Variants in FSTL5 observed in about 807,000 individuals in gnomAD.
FSTL5 encodes follistatin like 5.
In FSTL5, 62 loss-of-function variants were observed where a neutral mutation model predicts 89.1. That is an observed-to-expected ratio of 0.70 (90% CI 0.57 to 0.86). The LOEUF (loss-of-function observed/expected upper bound fraction) is 0.86, where lower values mean the gene tolerates loss of function less well. Among genes scored for constraint, FSTL5 ranks in the 40% least tolerant of loss-of-function variants. FSTL5 has a pLI of 0.00. For synonymous variants in FSTL5, 383 were observed against 346.2 expected, an observed-to-expected ratio of 1.11 and a Z score of -1.18; for missense variants, 1,057 against 1,001.6, an observed-to-expected ratio of 1.06 and a Z score of -0.75.
chr4:161,880,912 G>T (rs1372423614), intron 4 of FSTL5, among the ~76,000 whole-genome samples: 1 of 152,026 alleles, frequency 6.6e-6, no homozygotes, highest in African/African-American at 2.4e-5. Flanking sequence ...TGATCATAAA[G>T]CCTCAGCAAA....
At chr4:162,163,066 C>A (rs1166178068) in intron 1 of FSTL5, among the ~76,000 whole-genome samples, 3 of 152,006 alleles carry the variant, frequency 2.0e-5, no homozygotes, top group Non-Finnish European at 4.4e-5. Flanking sequence ...CTAAATGGAC[C>A]CAGCATGATG....
intron 4 of FSTL5, among the ~76,000 whole-genome samples, chr4:161,856,660 G>GTATA (rs1228042548): frequency 1.8e-5 from 1 of 56,540 alleles, no homozygotes; most frequent in Non-Finnish European, 4.1e-5. Context: ...TTGTGTGTGT[G>GTATA]TGTATATATA....
intron 15 of FSTL5, among the ~76,000 whole-genome samples, chr4:161,419,785 T>G (rs35137331): frequency 0.12 from 17,784 of 152,148 alleles, 1,132 homozygotes; most frequent in Admixed American, 0.13. Context: ...GTGGCCCCAG[T>G]CACTGTTATA....
At chr4:162,092,946 T>TA (rs1730604788) in intron 2 of FSTL5, among the ~76,000 whole-genome samples, 1 of 30,096 alleles carries the variant, frequency 3.3e-5, no homozygotes, top group African/African-American at 1.4e-4. Flanking sequence ...AGACTCTGTC[T>TA]CAAAAAAAAA....
chr4:161,801,484 T>C (rs1268105776), intron 4 of FSTL5, among the ~76,000 whole-genome samples: 5 of 151,420 alleles, frequency 3.3e-5, no homozygotes, highest in African/African-American at 1.2e-4. Context: ...ATCTTGGCAA[T>C]TTCATGAGAG....
At chr4:161,795,972 C>A (rs1316491996) in intron 4 of FSTL5, among the ~76,000 whole-genome samples, 1 of 151,658 alleles carries the variant, frequency 6.6e-6, no homozygotes, top group East Asian at 1.9e-4. Context: ...GTGTTGTAAA[C>A]CCTCTTTGAA....
intron 4 of FSTL5, among the ~76,000 whole-genome samples, chr4:161,880,729 T>C (rs1193339749): frequency 6.6e-6 from 1 of 152,128 alleles, no homozygotes; most frequent in Non-Finnish European, 1.5e-5. Flanking sequence ...AAACAAATTA[T>C]TGGTAGACAC....
chr4:162,081,337 T>A lies in FSTL5; in HGVS notation c.126+29934A>T, dbSNP rs1026314459. 2.0e-5 allele frequency among the ~76,000 whole-genome samples: 3 copies of A among 151,596 alleles called. No individual in the cohort carries two copies. In the Admixed American group the frequency reaches 2.0e-4, roughly 10 times the overall value. ...TCAAGGGGCACTAGGGGAGGGCCCTTTGCTAATGAAGCAGATCAAAGACAA... is the reference window on the plus strand; with the variant it reads ...TCAAGGGGCACTAGGGGAGGGCCCTATGCTAATGAAGCAGATCAAAGACAA... On this transcript the variant is annotated intron_variant, in intron 2 of 15. Transcript: ENST00000306100.
intron 4 of FSTL5, among the ~76,000 whole-genome samples, chr4:161,779,285 T>A (rs998003571): frequency 2.0e-5 from 3 of 152,250 alleles, no homozygotes; most frequent in Admixed American, 6.5e-5. Flanking sequence ...CAAAAAAAAT[T>A]GCAGTTAAGG....
chr4:161,782,561 T>A (rs1741712778), intron 4 of FSTL5, among the ~76,000 whole-genome samples: 1 of 152,182 alleles, frequency 6.6e-6, no homozygotes, highest in Non-Finnish European at 1.5e-5. Flanking sequence ...AAAATTTGAA[T>A]TGGTTTAATT....
At chr4:161,939,247 G>A (rs1560926767) in intron 3 of FSTL5, among the ~76,000 whole-genome samples, 1 of 151,718 alleles carries the variant, frequency 6.6e-6, no homozygotes, top group East Asian at 1.9e-4. Context: ...GATTTTCTTA[G>A]AATAAATAAT....
rs1217996032 is a variant in FSTL5 at position 161,892,104 on chromosome 4, A to C, written c.409+28300T>G. On this transcript the variant is annotated intron_variant, in intron 4 of 15. Transcript: ENST00000306100. ...AGAATTATGTTTTCCTGATGTACTT[A>C]TTTCAAACATCTTATAATCCAGTAT... 2.6e-5 allele frequency among the ~76,000 whole-genome samples: 4 copies of C among 151,894 alleles called. No individual in the cohort carries two copies. In the East Asian group the frequency reaches 7.7e-4, roughly 29 times the overall value.
chr4:162,008,282 C>T (rs1359806133), intron 3 of FSTL5, among the ~76,000 whole-genome samples: 3 of 151,596 alleles, frequency 2.0e-5, no homozygotes, highest in Admixed American at 1.3e-4. Context: ...TACAGGTGTT[C>T]TATATAGTTA....
At chr4:161,898,319 AT>A (rs1435244466) in intron 4 of FSTL5, among the ~76,000 whole-genome samples, 2 of 151,744 alleles carry the variant, frequency 1.3e-5, no homozygotes, top group Non-Finnish European at 2.9e-5. Context: ...ATCGCATTCA[AT>A]TTAGGATAAT....
chr4:161,875,101 TC>T (rs1732399392), intron 4 of FSTL5, among the ~76,000 whole-genome samples: 1 of 152,204 alleles, frequency 6.6e-6, no homozygotes, highest in Admixed American at 6.5e-5. Flanking sequence ...TTTTCCCTTG[TC>T]TTGTTTGTTC....
chr4:161,871,641 T>C (rs919398617), intron 4 of FSTL5, among the ~76,000 whole-genome samples: 10 of 152,298 alleles, frequency 6.6e-5, no homozygotes, highest in Admixed American at 6.5e-4. Context: ...AACCACCTAT[T>C]TAATGTTGAA....
chr4:162,025,967 G>A (rs1578958995), intron 3 of FSTL5, among the ~76,000 whole-genome samples: 1 of 151,160 alleles, frequency 6.6e-6, no homozygotes, highest in East Asian at 2.0e-4. Flanking sequence ...TCTTAGGTAA[G>A]AAGGATATTC....
intron 4 of FSTL5, among the ~76,000 whole-genome samples, chr4:161,893,878 G>T (rs951908620): frequency 5.3e-5 from 8 of 151,948 alleles, no homozygotes; most frequent in African/African-American, 1.9e-4. Context: ...CAATATCCTG[G>T]TGCCTAAATA....
intron 2 of FSTL5, among the ~76,000 whole-genome samples, chr4:162,047,166 G>C (rs1738213613): frequency 6.6e-6 from 1 of 152,026 alleles, no homozygotes; most frequent in South Asian, 2.1e-4. Flanking sequence ...ACAGAAAGTA[G>C]GTCAATAGCA....
Sources: gnomAD v4.1 joint callset for allele counts (sites outside exome capture counted in the v4.1 genomes callset) on GRCh38, gnomAD v4.1.1 for gene constraint, MANE v1.5 for transcripts, NCBI Gene and HGNC (gene_info 2026-07-23, HGNC 2026-07-21) for gene names.